The following USH2A variants were observed in gnomAD, a reference collection of about 807,000 sequenced individuals.
USH2A encodes the protein Usher syndrome 2A (autosomal recessive, mild).
Under a neutral mutation model 538.9 loss-of-function variants are expected in USH2A, and 443 were observed. The ratio of observed to expected loss-of-function variants is 0.82; its 90% CI spans 0.76 to 0.89. The LOEUF (loss-of-function observed/expected upper bound fraction) is 0.89. Among genes scored for constraint, USH2A ranks in the 40% least tolerant of loss-of-function variants. The probability of loss-of-function intolerance (pLI) is 0.00; values close to 1 mark genes in which losing one functional copy is unlikely to be tolerated. For missense variants in USH2A, 6,633 were observed against 6,324.8 expected (o/e 1.05, Z -1.65); for synonymous variants, 2,413 against 2,273.5 (o/e 1.06, Z -1.75).
intron 4 of USH2A, among the ~76,000 whole-genome samples, chr1:216,337,780 T>C (rs2038001461): frequency 6.6e-6 from 1 of 151,346 alleles, no homozygotes; most frequent in Non-Finnish European, 1.5e-5. Context: ...CAAATAAATC[T>C]ATAGTCAAAT....
intron 67 of USH2A, 82 bp from the exon 68 acceptor site, chr1:215,640,816 G>T: frequency 1.0e-5 from 12 of 1,205,028 alleles, no homozygotes; most frequent in Non-Finnish European, 1.4e-5. Context: ...AAAAAAATAT[G>T]AGCAAAATCA....
chr1:215,864,880 A>G (rs1457882053), intron 44 of USH2A, among the ~76,000 whole-genome samples: 2 of 152,162 alleles, frequency 1.3e-5, no homozygotes, highest in African/African-American at 2.4e-5. Flanking sequence ...ATTTACCAGA[A>G]ACATTTTGCT....
intron 21 of USH2A, among the ~76,000 whole-genome samples, chr1:216,155,826 A>G (rs188780441): frequency 1.2e-4 from 19 of 152,244 alleles, no homozygotes; most frequent in Admixed American, 3.9e-4. Context: ...ATTTTTTTTT[A>G]AACCATTCAG....
At chr1:216,336,091 A>G (rs1398479820) in intron 4 of USH2A, among the ~76,000 whole-genome samples, 1 of 151,552 alleles carries the variant, frequency 6.6e-6, no homozygotes, top group Non-Finnish European at 1.5e-5. Flanking sequence ...GAATTATCAC[A>G]AGGATGCAAG....
At chr1:216,161,169 A>G (rs967223518) in intron 21 of USH2A, among the ~76,000 whole-genome samples, 9 of 152,092 alleles carry the variant, frequency 5.9e-5, no homozygotes, top group African/African-American at 1.9e-4. Flanking sequence ...TGGGTAGACT[A>G]TTTAGATTTA....
chr1:216,107,626 GT>G (rs2032768748), intron 21 of USH2A, among the ~76,000 whole-genome samples: 2 of 147,806 alleles, frequency 1.4e-5, no homozygotes, highest in African/African-American at 2.5e-5. Flanking sequence ...TTATTAATAT[GT>G]TTTTAACTTA....
intron 38 of USH2A, among the ~76,000 whole-genome samples, chr1:215,912,501 A>ATATATATG (rs1553275513): frequency 0.076 from 1,992 of 26,230 alleles, 52 homozygotes; most frequent in African/African-American, 0.14. Flanking sequence ...GTGTATATAT[A>ATATATATG]TATATATATA....
intron 46 of USH2A, among the ~76,000 whole-genome samples, chr1:215,842,195 G>T (rs12061989): frequency 1.3e-5 from 2 of 151,964 alleles, no homozygotes; most frequent in Non-Finnish European, 2.9e-5. Flanking sequence ...CTGGTGTGGT[G>T]GTGGGCACCT....
rs755325541 is a variant in USH2A at position 215,900,198 on chromosome 1, CAGA to C, written c.7468_7470del (p.Ser2490del). The C allele has an allele frequency of 1.2e-6, 2 of 1,613,550 alleles. No homozygotes were observed. Among genetic ancestry groups the C allele is most frequent in the Non-Finnish European group, 1.7e-6 (2 of 1,179,732 alleles). The stretch of plus-strand genomic sequence containing the variant: ...TCACTCACTTCATAGCTTAACGATG[CAGA>C]AGGATTGGAAAATAACCTGTATGGG... On this transcript the variant is annotated inframe_deletion, in exon 40 of 72. Transcript: ENST00000307340.
intron 9 of USH2A, among the ~76,000 whole-genome samples, chr1:216,316,476 T>C (rs2037511336): frequency 6.6e-6 from 1 of 152,072 alleles, no homozygotes; most frequent in Non-Finnish European, 1.5e-5. Flanking sequence ...TTCACCAAAG[T>C]GATGTCGCCC....
At chr1:216,365,918 T>C (rs140780782) in intron 3 of USH2A, among the ~76,000 whole-genome samples, 1 of 152,162 alleles carries the variant, frequency 6.6e-6, no homozygotes, top group Non-Finnish European at 1.5e-5. Context: ...TTGGATTACA[T>C]GATTAAAAAG....
chr1:216,266,763 G>A (rs2168924), intron 11 of USH2A, among the ~76,000 whole-genome samples: 40,656 of 151,802 alleles, frequency 0.27, 6,078 homozygotes, highest in East Asian at 0.38. Context: ...TAGCAAAGAC[G>A]TCAGCATGAG....
Position 215,785,210 on chromosome 1 carries a change from G to A in USH2A, c.10387+1460C>T, listed in dbSNP as rs532474215. On this transcript the variant is annotated intron_variant, in intron 52 of 71. Transcript: ENST00000307340. ...CCAAATCCATATGACACATGAGAGA[G>A]CTAGTGAGCTTTGTGAACAATGTGC... is the stretch of plus-strand genomic sequence containing the variant. 4.6e-5 allele frequency among the ~76,000 whole-genome samples: 7 copies of A among 152,302 alleles called. No homozygotes were observed. The South Asian group carries it at 1.5e-3, about 32-fold the overall frequency.
At chr1:216,167,732 T>C (rs1166257194) in intron 21 of USH2A, among the ~76,000 whole-genome samples, 1 of 152,166 alleles carries the variant, frequency 6.6e-6, no homozygotes, top group African/African-American at 2.4e-5. Flanking sequence ...CTTTCATTCC[T>C]GCTCTAAAAT....
At chr1:215,884,713 A>G (rs973643000) in intron 41 of USH2A, among the ~76,000 whole-genome samples, 1 of 152,208 alleles carries the variant, frequency 6.6e-6, no homozygotes, top group South Asian at 2.1e-4. Context: ...TTAAAAGTCA[A>G]TGAGGATGAT....
At chr1:215,705,923 T>G (rs1005169078) in intron 61 of USH2A, among the ~76,000 whole-genome samples, 4 of 152,230 alleles carry the variant, frequency 2.6e-5, no homozygotes, top group African/African-American at 9.6e-5. Context: ...AAAATTATTC[T>G]TAGCATAAGT....
chr1:215,724,344 T>A (rs1659750288), intron 61 of USH2A, among the ~76,000 whole-genome samples: 1 of 151,632 alleles, frequency 6.6e-6, no homozygotes, highest in Admixed American at 6.6e-5. Context: ...ATTATCCTCA[T>A]GAAGTAACTC....
At chr1:216,130,971 T>C (rs533448039) in intron 21 of USH2A, among the ~76,000 whole-genome samples, 9 of 152,020 alleles carry the variant, frequency 5.9e-5, no homozygotes, top group African/African-American at 2.2e-4. Context: ...TCAACATCTA[T>C]TATTTTTTTA....
chr1:215,942,928 A>C (rs902684354), intron 37 of USH2A, among the ~76,000 whole-genome samples: 6 of 152,194 alleles, frequency 3.9e-5, no homozygotes, highest in Non-Finnish European at 1.5e-5. Flanking sequence ...CATGTGAATA[A>C]ATGCAGCAAG....
Sources: gnomAD v4.1 joint callset for allele counts (sites outside exome capture counted in the v4.1 genomes callset) on GRCh38, gnomAD v4.1.1 for gene constraint, MANE v1.5 for transcripts, NCBI Gene and HGNC (gene_info 2026-07-23, HGNC 2026-07-21) for gene names.